Variants in LRRC28 observed in about 807,000 individuals in gnomAD.
LRRC28 encodes the protein leucine rich repeat containing 28, also known as leucine-rich repeat-containing protein 28.
LRRC28 carries 39 observed loss-of-function variants against 45.7 expected under a neutral mutation model. That is an observed-to-expected ratio of 0.85 (90% CI 0.66 to 1.12). The LOEUF is 1.12. Ranked by LOEUF, LRRC28 falls within the 50% of genes most tolerant of loss-of-function variation. LRRC28 has a pLI of 0.00. For synonymous variants in LRRC28, 206 were observed against 178.8 expected (o/e 1.15, Z -1.22); for missense variants, 435 against 438.5 (o/e 0.99, Z 0.07).
At chr15:99,352,266 G>C (rs1414186370) in intron 6 of LRRC28, 103 bp from the exon 7 acceptor site, 1 of 802,954 alleles carries the variant, frequency 1.2e-6, no homozygotes, top group African/African-American at 1.8e-5. Flanking sequence ...TTCTTCCAGA[G>C]TAGAAATCTT....
intron 5 of LRRC28, among the ~76,000 whole-genome samples, chr15:99,329,068 G>T (rs1380415410): frequency 6.6e-6 from 1 of 151,960 alleles, no homozygotes; most frequent in African/African-American, 2.4e-5. Context: ...ATACAGATTT[G>T]GTATTGGGGA....
At chr15:99,351,631 C>A (rs999225136) in intron 6 of LRRC28, among the ~76,000 whole-genome samples, 1 of 152,172 alleles carries the variant, frequency 6.6e-6, no homozygotes, top group Admixed American at 6.5e-5. Context: ...TCTTCAGACT[C>A]CTGCCTAGCC....
chr15:99,285,447 C>A (rs2081931924), intron 3 of LRRC28: 1 of 824,018 alleles, frequency 1.2e-6, no homozygotes, highest in Admixed American at 1.7e-5. Flanking sequence ...CTCCCATGAC[C>A]ACACAGTCCG....
chr15:99,339,772 G>C (rs1046987566), intron 6 of LRRC28, among the ~76,000 whole-genome samples: 7 of 151,616 alleles, frequency 4.6e-5, no homozygotes, highest in Non-Finnish European at 8.8e-5. Context: ...AGGACATTGA[G>C]ATTTACAGAA....
chr15:99,264,068 T>C (rs1197380622), intron 2 of LRRC28, among the ~76,000 whole-genome samples: 2 of 152,220 alleles, frequency 1.3e-5, no homozygotes, highest in Non-Finnish European at 2.9e-5. Flanking sequence ...AGGCCAGTTT[T>C]CTTCTGCAGA....
At chr15:99,291,028 T>C (rs779541532) in intron 5 of LRRC28, among the ~76,000 whole-genome samples, 13 of 152,204 alleles carry the variant, frequency 8.5e-5, no homozygotes, top group Non-Finnish European at 1.9e-4. Flanking sequence ...TATTATTCTG[T>C]GTTTTCCTGT....
intron 1 of LRRC28, among the ~76,000 whole-genome samples, chr15:99,254,046 A>T (rs1199441547): frequency 2.0e-5 from 3 of 152,240 alleles, no homozygotes; most frequent in Non-Finnish European, 4.4e-5. Flanking sequence ...GTTAAGTTTG[A>T]GATGGTTGTG....
chr15:99,329,763 G>C (rs12591991), intron 5 of LRRC28, among the ~76,000 whole-genome samples: 1 of 152,062 alleles, frequency 6.6e-6, no homozygotes, highest in African/African-American at 2.4e-5. Context: ...CATTGATCTC[G>C]TCAGAAGACT....
chr15:99,289,022 T>C (rs1187363955), intron 5 of LRRC28, among the ~76,000 whole-genome samples: 1 of 152,170 alleles, frequency 6.6e-6, no homozygotes, highest in African/African-American at 2.4e-5. Context: ...TACTAAAATT[T>C]AGTAGAACAA....
rs76124034 is a variant in LRRC28 at position 99,353,110 on chromosome 15, C to T, written c.695+639C>T. Among the ~76,000 whole-genome samples the T allele has an allele frequency of 2.7e-3, 418 of 152,286 alleles. 2 individuals are homozygous for T. The highest frequency in any genetic ancestry group is 9.4e-3 in the African/African-American group (392 of 41,552). On this transcript the variant is annotated intron_variant, in intron 7 of 9. Transcript: ENST00000301981. ...ATGGCTTCATCTTCTCCTTCTACAACGCTGGCACAGAACCACCCTAAAGTG... is the reference window on the plus strand; with the variant it reads ...ATGGCTTCATCTTCTCCTTCTACAATGCTGGCACAGAACCACCCTAAAGTG...
intron 6 of LRRC28, among the ~76,000 whole-genome samples, chr15:99,341,355 G>A (rs1956506148): frequency 5.3e-5 from 8 of 152,148 alleles, no homozygotes; most frequent in Admixed American, 5.2e-4. Context: ...GCCTCCCAAA[G>A]TGCTGGGATT....
intron 5 of LRRC28, among the ~76,000 whole-genome samples, chr15:99,294,387 G>C (rs1204027999): frequency 6.6e-6 from 1 of 151,820 alleles, no homozygotes; most frequent in Non-Finnish European, 1.5e-5. Context: ...AAGACTAGAA[G>C]TTATCTGTTG....
chr15:99,283,895 T>A (rs2081883109), intron 3 of LRRC28, among the ~76,000 whole-genome samples: 1 of 152,168 alleles, frequency 6.6e-6, no homozygotes, highest in Non-Finnish European at 1.5e-5. Flanking sequence ...AGGAAGTGAC[T>A]TAAATTTGAA....
intron 3 of LRRC28, among the ~76,000 whole-genome samples, chr15:99,277,457 GC>G (rs771603730): frequency 6.6e-6 from 1 of 151,578 alleles, no homozygotes; most frequent in East Asian, 1.9e-4. Context: ...CTACCCCTCT[GC>G]CCCCTCCCCC....
chr15:99,365,016 T>C (rs190702948), intron 9 of LRRC28, among the ~76,000 whole-genome samples: 2 of 152,334 alleles, frequency 1.3e-5, no homozygotes, highest in African/African-American at 4.8e-5. Flanking sequence ...ATTGAAAATA[T>C]GAAAATGTAA....
chr15:99,336,552 C>T (rs1213996096), intron 6 of LRRC28, among the ~76,000 whole-genome samples: 1 of 152,192 alleles, frequency 6.6e-6, no homozygotes, highest in African/African-American at 2.4e-5. Flanking sequence ...CTCCTATTGA[C>T]ACTCTCGTTG....
intron 9 of LRRC28, among the ~76,000 whole-genome samples, chr15:99,385,358 C>CTT (rs1255552776): frequency 6.6e-6 from 1 of 151,188 alleles, no homozygotes; most frequent in Non-Finnish European, 1.5e-5. Context: ...CTTGTGGAAA[C>CTT]AACAAGAGAG....
At chr15:99,306,995 C>A (rs1413266295) in intron 5 of LRRC28, among the ~76,000 whole-genome samples, 1 of 152,210 alleles carries the variant, frequency 6.6e-6, no homozygotes, top group Non-Finnish European at 1.5e-5. Flanking sequence ...TTTTCTCCTT[C>A]AAGCCATTAC....
chr15:99,306,100 T>A (rs562692340), intron 5 of LRRC28, among the ~76,000 whole-genome samples: 2 of 152,388 alleles, frequency 1.3e-5, no homozygotes, highest in East Asian at 3.9e-4. Flanking sequence ...ATTGCCTTGG[T>A]ATCTCTAATT....
Sources: gnomAD v4.1 joint callset for allele counts (sites outside exome capture counted in the v4.1 genomes callset) on GRCh38, gnomAD v4.1.1 for gene constraint, MANE v1.5 for transcripts, NCBI Gene and HGNC (gene_info 2026-07-23, HGNC 2026-07-21) for gene names.